The following WDR44 variants were observed in gnomAD, a reference collection of about 807,000 sequenced individuals.
The protein encoded by WDR44 is WD repeat domain 44.
WDR44 carries 9 observed loss-of-function variants against 65.7 expected under a neutral mutation model. The observed-to-expected ratio is 0.14, with a 90% CI of 0.08 to 0.24. WDR44 has a LOEUF of 0.24. Among genes scored for constraint, WDR44 ranks in the 10% least tolerant of loss-of-function variants. The probability of loss-of-function intolerance (pLI) is 1.00; values close to 1 mark genes in which losing one functional copy is unlikely to be tolerated. For missense variants in WDR44, 425 were observed against 670.9 expected, an observed-to-expected ratio of 0.63 and a Z score of 4.05; for synonymous variants, 220 against 235.2, an observed-to-expected ratio of 0.94 and a Z score of 0.59.
chrX:118,376,508 C>G (rs2056661168), intron 1 of WDR44, among the ~76,000 whole-genome samples: 1 of 110,622 alleles, frequency 9.0e-6, no homozygotes, highest in Admixed American at 9.7e-5. Flanking sequence ...AGGTGCCTTT[C>G]AATTCAAATT....
At chrX:118,402,308 G>A (rs1182046009) in intron 8 of WDR44, among the ~76,000 whole-genome samples, 1 of 107,098 alleles carries the variant, frequency 9.3e-6, no homozygotes, top group Non-Finnish European at 1.9e-5. Flanking sequence ...GGTGGTGGGC[G>A]CCTGTACTCC....
rs752453751 is a variant in WDR44 at position 118,449,023 on chromosome X, T to G, written c.*36T>G. On this transcript the variant is annotated 3_prime_UTR_variant, in exon 20 of 20. Transcript: ENST00000254029. The stretch of plus-strand genomic sequence containing the variant: ...CATTTAAAATAAACATATCAGTAAG[T>G]TTCTATATGTATCAAAACTGAAAAA... 1.1e-6 allele frequency: 1 copy of G among 949,242 alleles called. No homozygotes were observed. Among genetic ancestry groups the G allele is most frequent in the Non-Finnish European group, 1.5e-6 (1 of 681,131 alleles). The allele number at this position is 949,242 out of a possible 1,213,427, so 78.2% of individuals were successfully genotyped here. A position where few individuals can be genotyped will look rare whatever the true frequency, so the allele number is the denominator to read the frequency against.
At chrX:118,425,783 T>C (rs5956987) in intron 12 of WDR44, among the ~76,000 whole-genome samples, 29,720 of 110,228 alleles carry the variant, frequency 0.27, 3,183 homozygotes, top group African/African-American at 0.4. Context: ...TTATAATATC[T>C]TTAGATAGGC....
intron 18 of WDR44, 146 bp from the exon 19 acceptor site, chrX:118,444,213 GA>G (rs2057326437): frequency 3.3e-6 from 2 of 605,071 alleles, no homozygotes; most frequent in African/African-American, 4.6e-5. Context: ...ACTTATATGT[GA>G]TTTTTTTTAG....
intron 12 of WDR44, among the ~76,000 whole-genome samples, chrX:118,416,229 GT>G (rs2057055969): frequency 9.0e-6 from 1 of 111,205 alleles, no homozygotes; most frequent in Non-Finnish European, 1.9e-5. Context: ...CTGGCTTTGG[GT>G]TTGGTTTGTT....
chrX:118,400,335 G>A (rs1351817424), intron 8 of WDR44, among the ~76,000 whole-genome samples: 1 of 111,327 alleles, frequency 9.0e-6, no homozygotes, highest in Non-Finnish European at 1.9e-5. Context: ...GAAAGGCTCT[G>A]AATGTATTAA....
intron 12 of WDR44, among the ~76,000 whole-genome samples, chrX:118,416,485 G>A (rs1391987090): frequency 9.0e-6 from 1 of 111,666 alleles, no homozygotes; most frequent in South Asian, 3.7e-4. Flanking sequence ...CCATGTATTT[G>A]CACGGTTTCG....
chrX:118,361,985 T>C (rs1443818588), intron 1 of WDR44, among the ~76,000 whole-genome samples: 8 of 112,097 alleles, frequency 7.1e-5, no homozygotes, highest in South Asian at 3.7e-4. Context: ...TTTCAAAATA[T>C]GAGTTTTGCA....
intron 7 of WDR44, among the ~76,000 whole-genome samples, chrX:118,398,098 A>G (rs745745238): frequency 9.0e-4 from 100 of 111,392 alleles, no homozygotes; most frequent in Non-Finnish European, 1.5e-3. Flanking sequence ...TTAGCCAGAC[A>G]TGGTGGTGTG....
intron 1 of WDR44, among the ~76,000 whole-genome samples, chrX:118,369,609 C>T (rs1046833471): frequency 9.5e-6 from 1 of 105,087 alleles, no homozygotes; most frequent in South Asian, 4.5e-4. Context: ...GCTGGGGCTA[C>T]AGGCGCCCAC....
intron 1 of WDR44, among the ~76,000 whole-genome samples, chrX:118,374,977 C>T (rs2056644766): frequency 8.9e-6 from 1 of 111,799 alleles, no homozygotes; most frequent in African/African-American, 3.3e-5. Flanking sequence ...GTCTCCTCGT[C>T]TCTCAAAAGA....
chrX:118,414,513 C>G (rs773164953), intron 12 of WDR44, among the ~76,000 whole-genome samples: 1 of 111,336 alleles, frequency 9.0e-6, no homozygotes, highest in Admixed American at 9.6e-5. Flanking sequence ...CATCCATGAG[C>G]ATGGGATGTG....
At chrX:118,415,439 A>G (rs1433894486) in intron 12 of WDR44, among the ~76,000 whole-genome samples, 1 of 111,715 alleles carries the variant, frequency 9.0e-6, no homozygotes, top group African/African-American at 3.3e-5. Context: ...CTTGTGGAAT[A>G]GTGTCAAAAG....
At chrX:118,363,523 G>A (rs1401588681) in intron 1 of WDR44, among the ~76,000 whole-genome samples, 1 of 110,847 alleles carries the variant, frequency 9.0e-6, no homozygotes, top group Non-Finnish European at 1.9e-5. Flanking sequence ...GGAACAATAA[G>A]CGAAATCTGG....
At chrX:118,359,576 T>C (rs1473450847) in intron 1 of WDR44, among the ~76,000 whole-genome samples, 1 of 112,332 alleles carries the variant, frequency 8.9e-6, no homozygotes, top group Non-Finnish European at 1.9e-5. Context: ...CTTGAAGTTT[T>C]GTAATTACCC....
chrX:118,392,222 T>TA (rs767913824), intron 3 of WDR44, among the ~76,000 whole-genome samples: 3 of 112,237 alleles, frequency 2.7e-5, no homozygotes, highest in Non-Finnish European at 3.8e-5. Context: ...AGGCTGGTAT[T>TA]ACAACAAGTT....
At chrX:118,378,735 T>TGTGTGTG (rs1556057149) in intron 2 of WDR44, among the ~76,000 whole-genome samples, 1 of 106,435 alleles carries the variant, frequency 9.4e-6, no homozygotes. Flanking sequence ...TGTGTGTGTG[T>TGTGTGTG]TGAAAAAGTG....
intron 12 of WDR44, among the ~76,000 whole-genome samples, chrX:118,413,182 G>A (rs1569374772): frequency 1.8e-5 from 2 of 112,010 alleles, no homozygotes; most frequent in Non-Finnish European, 3.8e-5. Flanking sequence ...TTCTAATAAT[G>A]ACTTCTTTTC....
chrX:118,349,589 G>A (rs1449881352), intron 1 of WDR44, among the ~76,000 whole-genome samples: 1 of 103,848 alleles, frequency 9.6e-6, no homozygotes, highest in Non-Finnish European at 2.0e-5. Flanking sequence ...ATGGAGTCTC[G>A]CTCTGTCGCC....
Sources: allele counts gnomAD v4.1 joint callset (sites outside exome capture counted in the v4.1 genomes callset), GRCh38; gene constraint gnomAD v4.1.1; transcripts MANE v1.5; gene names NCBI Gene and HGNC (gene_info 2026-07-23, HGNC 2026-07-21).